The following PTPRG variants were observed in gnomAD, a reference collection of about 807,000 sequenced individuals.
The protein encoded by PTPRG is protein tyrosine phosphatase receptor type G.
PTPRG carries 102 observed loss-of-function variants against 165.3 expected under a neutral mutation model. The ratio of observed to expected loss-of-function variants is 0.62; its 90% CI spans 0.53 to 0.73. The LOEUF is 0.73. Among genes scored for constraint, PTPRG ranks in the 30% least tolerant of loss-of-function variants. The probability of loss-of-function intolerance (pLI) is 0.00; values close to 1 mark genes in which losing one functional copy is unlikely to be tolerated. For synonymous variants in PTPRG, 675 were observed against 669.5 expected (o/e 1.01, Z -0.13); for missense variants, 1,866 against 1,861.4 (o/e 1.00, Z -0.05).
At chr3:61,920,034 G>C (rs1346989124) in intron 2 of PTPRG, among the ~76,000 whole-genome samples, 1 of 152,310 alleles carries the variant, frequency 6.6e-6, no homozygotes, top group South Asian at 2.1e-4. Context: ...CCCATAACCA[G>C]CTACAGAAGT....
chr3:61,867,893 CT>C (rs1253809999), intron 2 of PTPRG, among the ~76,000 whole-genome samples: 1 of 152,152 alleles, frequency 6.6e-6, no homozygotes, highest in Non-Finnish European at 1.5e-5. Context: ...GTTTGTAAAG[CT>C]TGGGTGCAGT....
intron 1 of PTPRG, among the ~76,000 whole-genome samples, chr3:61,711,679 A>G (rs113191278): frequency 0.01 from 1,596 of 152,332 alleles, 15 homozygotes; most frequent in Middle Eastern, 0.041. Context: ...AAATTTTTGC[A>G]ATGTGTACAT....
chr3:61,975,878 GT>G (rs566800801), intron 2 of PTPRG, among the ~76,000 whole-genome samples: 8 of 152,022 alleles, frequency 5.3e-5, no homozygotes, highest in Non-Finnish European at 7.4e-5. Flanking sequence ...CCATTTTTAC[GT>G]TTTCACTGAT....
At chr3:61,950,960 C>T (rs766436959) in intron 2 of PTPRG, among the ~76,000 whole-genome samples, 1 of 152,190 alleles carries the variant, frequency 6.6e-6, no homozygotes, top group Non-Finnish European at 1.5e-5. Flanking sequence ...ACCCAGCTGT[C>T]CCCAAGACAT....
intron 4 of PTPRG, among the ~76,000 whole-genome samples, chr3:62,007,762 T>A (rs551099119): frequency 6.6e-6 from 1 of 152,206 alleles, no homozygotes; most frequent in African/African-American, 2.4e-5. Flanking sequence ...AATGGAGACA[T>A]GGATACTTAT....
At chr3:61,983,308 TA>T (rs1452521340) in intron 2 of PTPRG, among the ~76,000 whole-genome samples, 2 of 152,156 alleles carry the variant, frequency 1.3e-5, no homozygotes, top group African/African-American at 4.8e-5. Flanking sequence ...CGATTTCGGA[TA>T]AAAAGCATTA....
chr3:62,039,944 TAGTG>T (rs1411806194), intron 4 of PTPRG, among the ~76,000 whole-genome samples: 1 of 152,236 alleles, frequency 6.6e-6, no homozygotes, highest in Non-Finnish European at 1.5e-5. Context: ...TTATCCCACT[TAGTG>T]AGACATTCTT....
At chr3:61,641,336 C>G (rs1702054046) in intron 1 of PTPRG, among the ~76,000 whole-genome samples, 1 of 152,106 alleles carries the variant, frequency 6.6e-6, no homozygotes, top group African/African-American at 2.4e-5. Context: ...TGGGATGTTT[C>G]TATTGGGGAA....
chr3:61,910,154 C>T (rs965428215), intron 2 of PTPRG, among the ~76,000 whole-genome samples: 3 of 152,196 alleles, frequency 2.0e-5, no homozygotes, highest in East Asian at 1.9e-4. Flanking sequence ...ACATGCCTTA[C>T]GTACCTCTTC....
At chr3:61,735,914 T>TC (rs1399280100) in intron 1 of PTPRG, among the ~76,000 whole-genome samples, 2 of 151,626 alleles carry the variant, frequency 1.3e-5, no homozygotes, top group Non-Finnish European at 2.9e-5. Context: ...CAATGATTTT[T>TC]TTTTTTTTTT....
chr3:62,227,724 C>G (rs1435809303), intron 13 of PTPRG, among the ~76,000 whole-genome samples: 2 of 152,154 alleles, frequency 1.3e-5, no homozygotes, highest in Admixed American at 1.3e-4. Context: ...ATTGAGGGGA[C>G]AGAGTTCCTG....
rs147462273 is a variant in PTPRG at position 61,950,026 on chromosome 3, A to G, written c.191-39599A>G. 4.0e-3 allele frequency among the ~76,000 whole-genome samples: 607 copies of G among 152,296 alleles called. 5 individuals are homozygous for G. Among genetic ancestry groups the G allele is most frequent in the African/African-American group, 0.014 (581 of 41,572 alleles). The stretch of plus-strand genomic sequence containing the variant: ...CTCCCAATGTGCTGGGATTACAGGC[A>G]TGAGCCACTGAGCCCGGCCAAGCCT... On this transcript the variant is annotated intron_variant, in intron 2 of 29. Transcript: ENST00000474889.
chr3:61,631,138 A>G (rs1559531941), intron 1 of PTPRG, among the ~76,000 whole-genome samples: 1 of 152,126 alleles, frequency 6.6e-6, no homozygotes, highest in Non-Finnish European at 1.5e-5. Flanking sequence ...GAAGCAGGGA[A>G]TTGTTATCAG....
intron 2 of PTPRG, among the ~76,000 whole-genome samples, chr3:61,763,912 ATT>A (rs2033935925): frequency 6.6e-6 from 1 of 152,188 alleles, no homozygotes; most frequent in Admixed American, 6.5e-5. Context: ...ATGAAATAAA[ATT>A]TAAGATTCAG....
intron 2 of PTPRG, among the ~76,000 whole-genome samples, chr3:61,780,356 C>T (rs989091062): frequency 1.3e-5 from 2 of 152,126 alleles, no homozygotes; most frequent in African/African-American, 4.8e-5. Flanking sequence ...GAAGAAATTA[C>T]AAGAATGCTT....
intron 2 of PTPRG, among the ~76,000 whole-genome samples, chr3:61,829,858 G>A (rs1240384091): frequency 3.3e-5 from 5 of 152,196 alleles, no homozygotes; most frequent in South Asian, 4.1e-4. Context: ...GAGACAGAGC[G>A]CCTGTGTATT....
At chr3:61,847,870 A>G (rs1025199441) in intron 2 of PTPRG, among the ~76,000 whole-genome samples, 10 of 152,214 alleles carry the variant, frequency 6.6e-5, no homozygotes, top group Non-Finnish European at 1.5e-4. Flanking sequence ...TGACGGACGA[A>G]TTTCTGATTC....
intron 2 of PTPRG, among the ~76,000 whole-genome samples, chr3:61,890,274 A>T (rs897717285): frequency 2.6e-5 from 4 of 152,140 alleles, no homozygotes; most frequent in Admixed American, 6.6e-5. Flanking sequence ...TTAGTGAAGG[A>T]TGTTGTCATT....
intron 7 of PTPRG, 103 bp from the exon 8 acceptor site, chr3:62,167,868 T>C (rs1256072844): frequency 6.7e-6 from 8 of 1,200,906 alleles, no homozygotes; most frequent in Admixed American, 1.9e-5. Flanking sequence ...CGTTTCATGC[T>C]CTTATCACCT....
Sources: gnomAD v4.1 joint callset for allele counts (sites outside exome capture counted in the v4.1 genomes callset) on GRCh38, gnomAD v4.1.1 for gene constraint, MANE v1.5 for transcripts, NCBI Gene and HGNC (gene_info 2026-07-23, HGNC 2026-07-21) for gene names.